Variants in ITSN2 observed in about 807,000 individuals in gnomAD.
ITSN2 encodes intersectin-2.
Under a neutral mutation model 243.7 loss-of-function variants are expected in ITSN2, and 156 were observed. The observed-to-expected ratio is 0.64, with a 90% CI of 0.56 to 0.73. The LOEUF is 0.73. ITSN2 is among the 30% of genes least tolerant of loss of function. ITSN2 has a pLI of 0.00. For synonymous variants in ITSN2, 703 were observed against 699.9 expected (o/e 1.00, Z -0.07); for missense variants, 1,801 against 1,996.1 (o/e 0.90, Z 1.86).
intron 2 of ITSN2, among the ~76,000 whole-genome samples, chr2:24,324,135 G>A (rs1684891223): frequency 6.6e-6 from 1 of 152,210 alleles, no homozygotes; most frequent in African/African-American, 2.4e-5. Context: ...GGGAGGCTGA[G>A]GCAGGAGAAC....
chr2:24,231,639 G>A (rs1671607150), intron 29 of ITSN2, among the ~76,000 whole-genome samples: 1 of 152,190 alleles, frequency 6.6e-6, no homozygotes, highest in Non-Finnish European at 1.5e-5. Flanking sequence ...ACTATTCCAA[G>A]TTACAGTGCA....
intron 30 of ITSN2, chr2:24,220,524 A>T: frequency 4.0e-6 from 4 of 1,008,940 alleles, no homozygotes; most frequent in Non-Finnish European, 4.7e-6. Context: ...ACTGTTTCAC[A>T]GTTCCTCCAG....
At chr2:24,268,534 G>A (rs537665120) in intron 20 of ITSN2, among the ~76,000 whole-genome samples, 7 of 152,040 alleles carry the variant, frequency 4.6e-5, no homozygotes, top group Non-Finnish European at 8.8e-5. Flanking sequence ...GATGCTGTAC[G>A]TTCTACACAC....
In ITSN2 at chr2:24,298,817, G is replaced by GAA. The variant is rs747412792; in HGVS notation, c.1345-5_1345-4dup. ...CGTTCAAGTTCCTGTTTTGCTGCCT[G>GAA]AAAAAAAAAAGGAATTATACTTAAT... On this transcript the variant is annotated splice_region_variant and splice_polypyrimidine_tract_variant and intron_variant, in intron 12 of 39. Coordinates refer to ENST00000355123, the MANE Select transcript of ITSN2 (RefSeq NM_006277.3). 53 of 1,354,316 alleles carry GAA rather than the reference G, an allele frequency of 3.9e-5. No individual in the cohort carries two copies. Among genetic ancestry groups the GAA allele is most frequent in the Middle Eastern group, 1.9e-4 (1 of 5,170 alleles). 83.9% of individuals were successfully genotyped at this position (1,354,316 alleles called of 1,614,324 possible).
rs544146558 is a variant in ITSN2, at chr2:24,317,067, A to G, written c.32-1843T>C. 6.6e-5 allele frequency among the ~76,000 whole-genome samples: 10 copies of G among 152,316 alleles called. 1 individual carries two copies. The South Asian group carries it at 2.1e-3, about 32-fold the overall frequency. ...AGAAGATATAGACACTGGCCCCAAC[A>G]GTATTTTGGCTTTACGTTAAAAAGT... On this transcript the variant is annotated intron_variant, in intron 2 of 39. Coordinates refer to ENST00000355123, the MANE Select transcript of ITSN2 (RefSeq NM_006277.3).
chr2:24,255,574 G>T (rs1432682847), intron 23 of ITSN2, among the ~76,000 whole-genome samples: 1 of 152,210 alleles, frequency 6.6e-6, no homozygotes, highest in Middle Eastern at 3.2e-3. Flanking sequence ...GTTGCAGTGA[G>T]CTGAGATTGT....
intron 29 of ITSN2, among the ~76,000 whole-genome samples, chr2:24,223,471 G>C (rs1670671599): frequency 6.6e-6 from 1 of 151,778 alleles, no homozygotes; most frequent in South Asian, 2.1e-4. Context: ...TTGTGCCTAG[G>C]AGTTGAAGAC....
At chr2:24,349,004 C>A (rs1687802731) in intron 1 of ITSN2, among the ~76,000 whole-genome samples, 1 of 152,096 alleles carries the variant, frequency 6.6e-6, no homozygotes, top group Non-Finnish European at 1.5e-5. Context: ...CAGTGGCTCA[C>A]CCCTGTAATC....
intron 1 of ITSN2, among the ~76,000 whole-genome samples, chr2:24,328,454 A>G (rs982049665): frequency 6.6e-6 from 1 of 152,136 alleles, no homozygotes; most frequent in Admixed American, 6.6e-5. Flanking sequence ...TAAGAATAAC[A>G]TGGAAATCCA....
intron 19 of ITSN2, 34 bp from the exon 20 acceptor site, chr2:24,270,802 T>TA: frequency 1.8e-6 from 2 of 1,091,142 alleles, no homozygotes; most frequent in Non-Finnish European, 1.4e-6. Context: ...ATTTGCAACT[T>TA]ACATGTATAC....
At chr2:24,281,191 G>C (rs932429922) in intron 17 of ITSN2, among the ~76,000 whole-genome samples, 1 of 152,114 alleles carries the variant, frequency 6.6e-6, no homozygotes, top group East Asian at 1.9e-4. Flanking sequence ...ACCACACCCA[G>C]CTAATTTTTT....
chr2:24,323,703 C>T (rs925915940), intron 2 of ITSN2, among the ~76,000 whole-genome samples: 2 of 152,030 alleles, frequency 1.3e-5, no homozygotes, highest in Non-Finnish European at 2.9e-5. Context: ...ATTATACCCC[C>T]AATAAACCCA....
At chr2:24,290,911 C>G (rs1434578242) in intron 15 of ITSN2, among the ~76,000 whole-genome samples, 6 of 144,894 alleles carry the variant, frequency 4.1e-5, no homozygotes, top group Admixed American at 1.4e-4. Flanking sequence ...TCTCCTCCCC[C>G]CTACCAAAGT....
chr2:24,212,777 A>G (rs770024730), intron 32 of ITSN2, 29 bp from the exon 33 acceptor site: 1 of 1,541,616 alleles, frequency 6.5e-7, no homozygotes, highest in Non-Finnish European at 9.0e-7. Flanking sequence ...GCTCGTGAGG[A>G]AATCACAGCT....
intron 17 of ITSN2, among the ~76,000 whole-genome samples, chr2:24,283,755 G>C (rs1679121432): frequency 6.6e-6 from 1 of 152,192 alleles, no homozygotes; most frequent in Non-Finnish European, 1.5e-5. Context: ...AAGAATAACT[G>C]CTGGCCTGTG....
intron 30 of ITSN2, among the ~76,000 whole-genome samples, chr2:24,219,433 A>G (rs1309662708): frequency 6.6e-6 from 1 of 152,206 alleles, no homozygotes; most frequent in Non-Finnish European, 1.5e-5. Flanking sequence ...GCAGCCCTGG[A>G]AAGACGGCCG....
At chr2:24,306,412 A>G (rs1192439659) in intron 8 of ITSN2, among the ~76,000 whole-genome samples, 2 of 152,152 alleles carry the variant, frequency 1.3e-5, no homozygotes, top group Non-Finnish European at 2.9e-5. Flanking sequence ...TTCTATCACC[A>G]TTAATTAGGT....
At chr2:24,267,757 A>G (rs1676848754) in intron 20 of ITSN2, among the ~76,000 whole-genome samples, 2 of 152,084 alleles carry the variant, frequency 1.3e-5, no homozygotes, top group Admixed American at 1.3e-4. Flanking sequence ...GGGTCTTCCT[A>G]TGTTGCCCAG....
intron 29 of ITSN2, 102 bp downstream of exon 29, chr2:24,246,027 G>A (rs1477822862): frequency 1.4e-6 from 1 of 720,838 alleles, no homozygotes; most frequent in Non-Finnish European, 2.2e-6. Context: ...TACATTTGCT[G>A]TGAGTGCTGA....
Sources: gnomAD v4.1 joint callset for allele counts (sites outside exome capture counted in the v4.1 genomes callset) on GRCh38, gnomAD v4.1.1 for gene constraint, MANE v1.5 for transcripts, NCBI Gene and HGNC (gene_info 2026-07-23, HGNC 2026-07-21) for gene names.